PRKCQ: variants seen among roughly 807,000 people sequenced by gnomAD.
PRKCQ encodes protein kinase C theta type.
PRKCQ carries 41 observed loss-of-function variants against 91.2 expected under a neutral mutation model. The ratio of observed to expected loss-of-function variants is 0.45; its 90% CI spans 0.35 to 0.58. The LOEUF (loss-of-function observed/expected upper bound fraction) is 0.58, where lower values mean the gene tolerates loss of function less well. Ranked by LOEUF, PRKCQ falls within the 20% of genes least tolerant of loss-of-function variation. PRKCQ has a pLI of 0.00. For missense variants in PRKCQ, 673 were observed against 896.5 expected, an observed-to-expected ratio of 0.75 and a Z score of 3.18; for synonymous variants, 307 against 316.9, an observed-to-expected ratio of 0.97 and a Z score of 0.33.
At chr10:6,503,010 C>T (rs772049798) in intron 4 of PRKCQ, among the ~76,000 whole-genome samples, 8 of 152,128 alleles carry the variant, frequency 5.3e-5, no homozygotes, top group African/African-American at 9.7e-5. Flanking sequence ...GTTTGTAACA[C>T]ACTTAGCTGT....
chr10:6,479,252 G>A, intron 11 of PRKCQ, 87 bp from the exon 12 acceptor site: 1 of 1,485,640 alleles, frequency 6.7e-7, no homozygotes, highest in Non-Finnish European at 9.2e-7. Context: ...AGACACCTGT[G>A]TTGGGTGGGA....
At chr10:6,534,404 A>C (rs1160011941) in intron 1 of PRKCQ, among the ~76,000 whole-genome samples, 1 of 152,174 alleles carries the variant, frequency 6.6e-6, no homozygotes, top group Non-Finnish European at 1.5e-5. Context: ...TCCCCAGTAC[A>C]TAGCTTTTTG....
intron 1 of PRKCQ, among the ~76,000 whole-genome samples, chr10:6,523,160 T>G (rs1230217679): frequency 6.6e-6 from 1 of 152,198 alleles, no homozygotes; most frequent in Non-Finnish European, 1.5e-5. Context: ...ATTAAAATAG[T>G]AAGTATGGGC....
At chr10:6,512,806 T>C (rs560149793) in intron 2 of PRKCQ, among the ~76,000 whole-genome samples, 1 of 152,278 alleles carries the variant, frequency 6.6e-6, no homozygotes, top group South Asian at 2.1e-4. Flanking sequence ...TAGATAAACT[T>C]GGCTAGGAAA....
chr10:6,414,395 A>G, the PRKCQ span, among the ~76,000 whole-genome samples: 1 of 152,250 alleles, frequency 6.6e-6, no homozygotes, highest in Admixed American at 6.5e-5. Flanking sequence ...TTCTCACCAA[A>G]GAAAAAGTAT....
rs1173604978 is a variant in PRKCQ, at chr10:6,559,829, GTGTGTGTT to G, written c.-10+20374_-10+20381del. Among the ~76,000 whole-genome samples, 6 of 152,038 alleles carry G rather than the reference GTGTGTGTT, an allele frequency of 3.9e-5. No homozygotes were observed. The East Asian group carries it at 9.7e-4, about 24-fold the overall frequency. On this transcript the variant is annotated intron_variant, in intron 1 of 17. Coordinates refer to ENST00000263125, the MANE Select transcript of PRKCQ (RefSeq NM_006257.5). ...TTTTATTGTTCTTTGAGTTTTGTGTGTGTGTGTTTGTTTTTATTGATACATCATATTTT... is the reference window on the plus strand; with the variant it reads ...TTTTATTGTTCTTTGAGTTTTGTGTGTGTTTTTATTGATACATCATATTTT...
intron 16 of PRKCQ, among the ~76,000 whole-genome samples, chr10:6,433,468 G>A (rs1238098505): frequency 6.6e-6 from 1 of 152,094 alleles, no homozygotes; most frequent in Non-Finnish European, 1.5e-5. Flanking sequence ...CAGAGTAAGT[G>A]AATAAGCTGT....
chr10:6,411,487 A>G, the PRKCQ span, among the ~76,000 whole-genome samples: 3 of 152,232 alleles, frequency 2.0e-5, no homozygotes, highest in African/African-American at 7.2e-5. Context: ...AGTGATTGAA[A>G]AAAGGGATCA....
intron 12 of PRKCQ, among the ~76,000 whole-genome samples, chr10:6,476,776 C>T (rs1836290568): frequency 6.6e-6 from 1 of 152,084 alleles, no homozygotes; most frequent in South Asian, 2.1e-4. Context: ...CAAAATACTG[C>T]AAAGGGAAAA....
intron 15 of PRKCQ, among the ~76,000 whole-genome samples, chr10:6,443,506 A>G (rs1834081386): frequency 6.6e-6 from 1 of 152,238 alleles, no homozygotes; most frequent in African/African-American, 2.4e-5. Context: ...TACTTGCAAC[A>G]ACATGGATGA....
intron 8 of PRKCQ, among the ~76,000 whole-genome samples, chr10:6,491,291 T>C (rs924318682): frequency 2.6e-5 from 4 of 151,756 alleles, no homozygotes; most frequent in Admixed American, 2.0e-4. Context: ...AGGAGAAGGG[T>C]TAGGGTACCA....
At chr10:6,413,377 C>T in the PRKCQ span, among the ~76,000 whole-genome samples, 1 of 152,130 alleles carries the variant, frequency 6.6e-6, no homozygotes, top group South Asian at 2.1e-4. Context: ...AACAGTATCT[C>T]CCTACATTCC....
chr10:6,530,329 CTCCTG>C (rs1839346558), intron 1 of PRKCQ, among the ~76,000 whole-genome samples: 1 of 152,242 alleles, frequency 6.6e-6, no homozygotes, highest in Admixed American at 6.5e-5. Context: ...AGCAAAAACA[CTCCTG>C]TCCTCCTATG....
chr10:6,403,988 C>T, the PRKCQ span, among the ~76,000 whole-genome samples: 18 of 151,690 alleles, frequency 1.2e-4, no homozygotes, highest in African/African-American at 4.1e-4. Flanking sequence ...CATTAGGGTG[C>T]ATATGAGGAA....
At chr10:6,516,588 A>G (rs983762519) in intron 1 of PRKCQ, among the ~76,000 whole-genome samples, 1 of 152,190 alleles carries the variant, frequency 6.6e-6, no homozygotes, top group African/African-American at 2.4e-5. Flanking sequence ...TCTTTTAGAC[A>G]AAACTTCATT....
chr10:6,570,553 CT>C (rs34824156), intron 1 of PRKCQ, among the ~76,000 whole-genome samples: 19,234 of 135,120 alleles, frequency 0.14, 1,386 homozygotes, highest in Middle Eastern at 0.24. Context: ...TAAGGGGCTT[CT>C]TTTTTTTTTT....
At chr10:6,478,347 A>G (rs932885307) in intron 12 of PRKCQ, among the ~76,000 whole-genome samples, 4 of 152,230 alleles carry the variant, frequency 2.6e-5, no homozygotes, top group African/African-American at 9.7e-5. Flanking sequence ...TTGAGTTTAT[A>G]AAAATTTTCT....
intron 3 of PRKCQ, among the ~76,000 whole-genome samples, 164 bp from the exon 4 acceptor site, chr10:6,507,660 C>A (rs762574748): frequency 6.6e-6 from 1 of 152,202 alleles, no homozygotes. Flanking sequence ...CTGTAGCAAC[C>A]GTGACAATCG....
intron 2 of PRKCQ, 135 bp from the exon 3 acceptor site, chr10:6,511,329 TA>T: frequency 2.5e-6 from 2 of 803,588 alleles, no homozygotes. Context: ...AAGTAGCACA[TA>T]AACAATCAGA....
Sources: allele counts gnomAD v4.1 joint callset (sites outside exome capture counted in the v4.1 genomes callset), GRCh38; gene constraint gnomAD v4.1.1; transcripts MANE v1.5; gene names NCBI Gene and HGNC (gene_info 2026-07-23, HGNC 2026-07-21).